MACROD2: variants seen among roughly 807,000 people sequenced by gnomAD.
The protein encoded by MACROD2 is ADP-ribose glycohydrolase MACROD2.
Under a neutral mutation model 70.4 loss-of-function variants are expected in MACROD2, and 36 were observed. The ratio of observed to expected loss-of-function variants is 0.51; its 90% CI spans 0.39 to 0.68. MACROD2 has a LOEUF of 0.68. Ranked by LOEUF, MACROD2 falls within the 30% of genes least tolerant of loss-of-function variation. The pLI is 0.00. For synonymous variants in MACROD2, 172 were observed against 178.8 expected, an observed-to-expected ratio of 0.96 and a Z score of 0.30; for missense variants, 496 against 538.4, an observed-to-expected ratio of 0.92 and a Z score of 0.78.
chr20:15,419,737 T>C (rs905408563), intron 6 of MACROD2, among the ~76,000 whole-genome samples: 3 of 152,144 alleles, frequency 2.0e-5, no homozygotes, highest in African/African-American at 7.2e-5. Context: ...CCTAAGGGCG[T>C]CCCCCTGCAC....
chr20:15,206,621 A>G (rs541926642), intron 5 of MACROD2, among the ~76,000 whole-genome samples: 1 of 150,730 alleles, frequency 6.6e-6, no homozygotes, highest in Non-Finnish European at 1.5e-5. Context: ...GACCTCTATC[A>G]CCATGAATTA....
chr20:14,524,636 A>T (rs1473639428), intron 4 of MACROD2, among the ~76,000 whole-genome samples: 1 of 152,152 alleles, frequency 6.6e-6, no homozygotes, highest in Non-Finnish European at 1.5e-5. Flanking sequence ...TGGGATGCTC[A>T]TGCTCTTGTC....
At chr20:15,406,944 T>C (rs2046010493) in intron 6 of MACROD2, among the ~76,000 whole-genome samples, 1 of 152,140 alleles carries the variant, frequency 6.6e-6, no homozygotes. Flanking sequence ...ACAAAGACCC[T>C]TGGAGAAAGA....
At chr20:14,773,203 C>A (rs1476126246) in intron 5 of MACROD2, among the ~76,000 whole-genome samples, 1 of 152,046 alleles carries the variant, frequency 6.6e-6, no homozygotes, top group Non-Finnish European at 1.5e-5. Context: ...AAATTGCCAA[C>A]TGAATAATAA....
intron 7 of MACROD2, among the ~76,000 whole-genome samples, chr20:15,468,211 A>G (rs1478245136): frequency 6.6e-6 from 1 of 152,196 alleles, no homozygotes; most frequent in Non-Finnish European, 1.5e-5. Flanking sequence ...ACAAAATTAG[A>G]TGCAGGACCC....
At chr20:14,151,858 G>A (rs1049678786) in intron 3 of MACROD2, among the ~76,000 whole-genome samples, 2 of 105,536 alleles carry the variant, frequency 1.9e-5, no homozygotes, top group Non-Finnish European at 3.4e-5. Context: ...GTCTTGCTCT[G>A]TCGCCCAGGC....
chr20:14,257,885 C>A (rs1415886996), intron 3 of MACROD2, among the ~76,000 whole-genome samples: 1 of 131,884 alleles, frequency 7.6e-6, no homozygotes, highest in South Asian at 2.6e-4. Context: ...TTCCTTGCCC[C>A]CTTCTTCACT....
chr20:14,916,966 G>T (rs1402232983), intron 5 of MACROD2, among the ~76,000 whole-genome samples: 1 of 151,958 alleles, frequency 6.6e-6, no homozygotes, highest in African/African-American at 2.4e-5. Context: ...TAGGCACCTT[G>T]ATTGGTCATG....
chr20:15,989,639 G>A (rs2147476361), intron 15 of MACROD2, among the ~76,000 whole-genome samples: 1 of 151,908 alleles, frequency 6.6e-6, no homozygotes, highest in South Asian at 2.1e-4. Flanking sequence ...AACATTTCGA[G>A]GCTATAGCTC....
intron 5 of MACROD2, among the ~76,000 whole-genome samples, chr20:15,181,549 T>C (rs1488221880): frequency 2.6e-5 from 4 of 152,194 alleles, no homozygotes; most frequent in African/African-American, 9.7e-5. Context: ...TTAGAAAGTG[T>C]GTGTGTGTTT....
At chr20:15,361,037 C>T (rs2078345844) in intron 6 of MACROD2, among the ~76,000 whole-genome samples, 1 of 151,482 alleles carries the variant, frequency 6.6e-6, no homozygotes, top group African/African-American at 2.4e-5. Context: ...TAGGGTCTTT[C>T]ACAGAGCAAA....
chr20:15,787,343 A>C (rs1012698830), intron 8 of MACROD2, among the ~76,000 whole-genome samples: 3 of 152,130 alleles, frequency 2.0e-5, no homozygotes, highest in Admixed American at 2.0e-4. Context: ...TCAGGGGTAC[A>C]TGTATAGGTC....
intron 10 of MACROD2, among the ~76,000 whole-genome samples, chr20:15,906,517 A>G (rs563203207): frequency 6.6e-6 from 1 of 152,204 alleles, no homozygotes; most frequent in African/African-American, 2.4e-5. Context: ...AAATTAGAAC[A>G]TGAATATGGA....
intron 5 of MACROD2, among the ~76,000 whole-genome samples, chr20:14,824,439 T>C (rs1165641907): frequency 6.6e-6 from 1 of 152,038 alleles, no homozygotes; most frequent in East Asian, 1.9e-4. Flanking sequence ...CAAGATTCAG[T>C]GGGGATGGCT....
At chr20:15,804,630 A>G (rs1332170185) in intron 8 of MACROD2, among the ~76,000 whole-genome samples, 1 of 152,204 alleles carries the variant, frequency 6.6e-6, no homozygotes, top group Non-Finnish European at 1.5e-5. Flanking sequence ...GAGAGTTTAC[A>G]GTGGATAGGA....
chr20:14,968,493 G>A (rs6043034), intron 5 of MACROD2, among the ~76,000 whole-genome samples: 3,349 of 152,154 alleles, frequency 0.022, 132 homozygotes, highest in African/African-American at 0.075. Context: ...GTGGGACTGG[G>A]GTGGTGTCCA....
intron 6 of MACROD2, among the ~76,000 whole-genome samples, chr20:15,289,274 C>T (rs974392180): frequency 6.6e-6 from 1 of 152,176 alleles, no homozygotes; most frequent in Admixed American, 6.5e-5. Flanking sequence ...AATGTTTAGT[C>T]CTCCTTCAAG....
intron 5 of MACROD2, among the ~76,000 whole-genome samples, chr20:14,901,895 G>T: frequency 6.6e-6 from 1 of 152,022 alleles, no homozygotes; most frequent in East Asian, 1.9e-4. Context: ...TGTGGCCAAA[G>T]GTGGAAAAGG....
chr20:14,656,909 A>G (rs1986005067), intron 4 of MACROD2, among the ~76,000 whole-genome samples: 1 of 152,086 alleles, frequency 6.6e-6, no homozygotes, highest in African/African-American at 2.4e-5. Flanking sequence ...GTAAGAGTTA[A>G]GACGTACATG....
Sources: gnomAD v4.1 joint callset for allele counts (sites outside exome capture counted in the v4.1 genomes callset) on GRCh38, gnomAD v4.1.1 for gene constraint, MANE v1.5 for transcripts, NCBI Gene and HGNC (gene_info 2026-07-23, HGNC 2026-07-21) for gene names.